The following IGF2BP2 variants were observed in gnomAD, a reference collection of about 807,000 sequenced individuals.
The protein encoded by IGF2BP2 is insulin like growth factor 2 mRNA binding protein 2, also known as insulin-like growth factor 2 mRNA-binding protein 2.
A neutral mutation model predicts 75.8 loss-of-function variants in IGF2BP2; 17 were observed. That is an observed-to-expected ratio of 0.22 (90% CI 0.15 to 0.34). IGF2BP2 has a LOEUF of 0.34. IGF2BP2 is among the 10% of genes least tolerant of loss of function. The pLI, the probability that IGF2BP2 is intolerant of heterozygous loss-of-function variation, is 1.00. For synonymous variants in IGF2BP2, 288 were observed against 295.6 expected (o/e 0.97, Z 0.26); for missense variants, 516 against 772.4 (o/e 0.67, Z 3.93).
rs371104282 is a variant in IGF2BP2, at chr3:185,692,807, T to C, written c.341-45A>G. ...TACACTGTCATAGGAAAAAGTGCTG[T>C]CACCCTCTGGCTTAATGTAAACAGA... On this transcript the variant is annotated intron_variant, in intron 4 of 15. Coordinates refer to ENST00000382199, the MANE Select transcript of IGF2BP2 (RefSeq NM_006548.6). The C allele has an allele frequency of 1.3e-5, 20 of 1,575,590 alleles. No homozygotes were observed. In the South Asian group the frequency reaches 2.0e-4, roughly 16 times the overall value.
At chr3:185,803,307 T>C (rs1226041784) in intron 2 of IGF2BP2, among the ~76,000 whole-genome samples, 2 of 152,198 alleles carry the variant, frequency 1.3e-5, no homozygotes, top group Non-Finnish European at 1.5e-5. Flanking sequence ...GCCGAGATCA[T>C]GCTACTGCAC....
chr3:185,795,013 T>C (rs1379410766), intron 2 of IGF2BP2, among the ~76,000 whole-genome samples: 1 of 152,112 alleles, frequency 6.6e-6, no homozygotes, highest in African/African-American at 2.4e-5. Context: ...TTCTCTTGCC[T>C]CAGCCTCCTG....
chr3:185,758,334 C>G (rs1697175435), intron 2 of IGF2BP2, among the ~76,000 whole-genome samples: 1 of 152,146 alleles, frequency 6.6e-6, no homozygotes. Context: ...AGAGACAACA[C>G]CCAAGAGAAA....
At chr3:185,801,575 T>C (rs1738280630) in intron 2 of IGF2BP2, among the ~76,000 whole-genome samples, 1 of 148,442 alleles carries the variant, frequency 6.7e-6, no homozygotes, top group Non-Finnish European at 1.5e-5. Context: ...CTGTTGGGAG[T>C]GCAAATTAGT....
intron 2 of IGF2BP2, among the ~76,000 whole-genome samples, chr3:185,746,698 A>G (rs897603506): frequency 2.6e-5 from 4 of 152,244 alleles, no homozygotes; most frequent in African/African-American, 9.6e-5. Context: ...AACATATATC[A>G]TATTATGCAA....
chr3:185,749,855 T>G (rs1730728843), intron 2 of IGF2BP2, among the ~76,000 whole-genome samples: 1 of 152,152 alleles, frequency 6.6e-6, no homozygotes, highest in Non-Finnish European at 1.5e-5. Flanking sequence ...CAGAAAGAAA[T>G]GAGCCTGTGC....
At chr3:185,813,444 A>G (rs1359647554) in intron 2 of IGF2BP2, among the ~76,000 whole-genome samples, 1 of 152,214 alleles carries the variant, frequency 6.6e-6, no homozygotes, top group Non-Finnish European at 1.5e-5. Flanking sequence ...TTCAGTGTCC[A>G]TGACTTGAAG....
chr3:185,755,144 G>C (rs1731447416), intron 2 of IGF2BP2, among the ~76,000 whole-genome samples: 1 of 152,186 alleles, frequency 6.6e-6, no homozygotes, highest in South Asian at 2.1e-4. Context: ...CAGGCCCAGA[G>C]GCCTAAGGAG....
At chr3:185,668,273 A>G (rs1717954859) in intron 10 of IGF2BP2, among the ~76,000 whole-genome samples, 1 of 152,134 alleles carries the variant, frequency 6.6e-6, no homozygotes, top group South Asian at 2.1e-4. Context: ...GATGCCCATA[A>G]TAAGTAAAAA....
At chr3:185,707,664 T>G (rs1724238150) in intron 2 of IGF2BP2, among the ~76,000 whole-genome samples, 1 of 151,994 alleles carries the variant, frequency 6.6e-6, no homozygotes, top group South Asian at 2.1e-4. Context: ...AGACTAAAAA[T>G]CTATATAATT....
At chr3:185,765,048 T>C (rs994121809) in intron 2 of IGF2BP2, among the ~76,000 whole-genome samples, 5 of 152,246 alleles carry the variant, frequency 3.3e-5, no homozygotes, top group African/African-American at 1.2e-4. Context: ...ATTAGTATTT[T>C]TCAAGAGATA....
At chr3:185,820,947 C>G in intron 2 of IGF2BP2, 1 of 1,476,916 alleles carries the variant, frequency 6.8e-7, no homozygotes, top group South Asian at 1.3e-5. Context: ...CACAGAAATG[C>G]AACACAAGAA....
intron 2 of IGF2BP2, among the ~76,000 whole-genome samples, chr3:185,701,648 A>T (rs1438136896): frequency 6.6e-6 from 1 of 152,218 alleles, no homozygotes; most frequent in African/African-American, 2.4e-5. Context: ...AGTAAACACT[A>T]CACATAAGTT....
At chr3:185,673,967 C>T (rs1560268344) in intron 9 of IGF2BP2, among the ~76,000 whole-genome samples, 1 of 152,210 alleles carries the variant, frequency 6.6e-6, no homozygotes, top group Admixed American at 6.5e-5. Flanking sequence ...TCAGATGATA[C>T]TTCCACAAAT....
intron 12 of IGF2BP2, among the ~76,000 whole-genome samples, chr3:185,654,925 G>A (rs999605981): frequency 1.3e-5 from 2 of 152,200 alleles, no homozygotes; most frequent in Non-Finnish European, 2.9e-5. Flanking sequence ...TCCTCTGGGC[G>A]CTCTCCTCCC....
intron 2 of IGF2BP2, among the ~76,000 whole-genome samples, chr3:185,790,327 T>G (rs1736479814): frequency 6.6e-6 from 1 of 152,120 alleles, no homozygotes; most frequent in South Asian, 2.1e-4. Flanking sequence ...ATACAATAAT[T>G]TTTATCTTAA....
chr3:185,684,650 G>A (rs1397091643), intron 7 of IGF2BP2, among the ~76,000 whole-genome samples: 7 of 152,148 alleles, frequency 4.6e-5, no homozygotes, highest in African/African-American at 7.2e-5. Context: ...CAAGTGATCC[G>A]CCCGCTTCAG....
intron 2 of IGF2BP2, among the ~76,000 whole-genome samples, chr3:185,795,953 A>G (rs771895112): frequency 3.3e-5 from 5 of 152,222 alleles, no homozygotes; most frequent in Non-Finnish European, 5.9e-5. Context: ...TTACTTCAAC[A>G]CAACAAACTA....
intron 2 of IGF2BP2, among the ~76,000 whole-genome samples, chr3:185,711,709 T>G (rs551582931): frequency 6.6e-6 from 1 of 152,302 alleles, no homozygotes; most frequent in Non-Finnish European, 1.5e-5. Flanking sequence ...TTCCTACCTC[T>G]TTTTCCTTCC....
Sources: gnomAD v4.1 joint callset for allele counts (sites outside exome capture counted in the v4.1 genomes callset) on GRCh38, gnomAD v4.1.1 for gene constraint, MANE v1.5 for transcripts, NCBI Gene and HGNC (gene_info 2026-07-23, HGNC 2026-07-21) for gene names.